The following LOXHD1 variants were observed in gnomAD, a reference collection of about 807,000 sequenced individuals.
The protein encoded by LOXHD1 is lipoxygenase homology domain-containing protein 1.
A neutral mutation model predicts 248.2 loss-of-function variants in LOXHD1; 205 were observed. That is an observed-to-expected ratio of 0.83 (90% CI 0.74 to 0.93). LOXHD1 has a LOEUF of 0.93. LOXHD1 is among the 40% of genes least tolerant of loss of function. LOXHD1 has a pLI of 0.00. For missense variants in LOXHD1, 2,930 were observed against 2,971.6 expected (o/e 0.99, Z 0.33); for synonymous variants, 1,113 against 1,162.8 (o/e 0.96, Z 0.87).
At chr18:46,629,279 C>G (rs1568224815) in intron 4 of LOXHD1, among the ~76,000 whole-genome samples, 1 of 152,200 alleles carries the variant, frequency 6.6e-6, no homozygotes, top group Non-Finnish European at 1.5e-5. Flanking sequence ...TGTATAGTCC[C>G]ATGTGCTTTC....
In LOXHD1 at chr18:46,594,536, G is replaced by T. The variant is rs12608365; in HGVS notation, c.1135-70C>A. The T allele has an allele frequency of 0.29, 438,415 of 1,530,796 alleles. 64,712 individuals are homozygous for T. The highest frequency in any genetic ancestry group is 0.34 in the South Asian group (28,149 of 83,292). 94.8% of individuals were successfully genotyped at this position (1,530,796 alleles called of 1,614,324 possible). On this transcript the variant is annotated intron_variant, in intron 8 of 40. Transcript: ENST00000642948. Reference sequence around the variant, plus strand: ...AGGGTCCTCTTCGTGATGTTCAGCAGGCTCCCAGCCCCACATTTAGAGACA... The same window carrying T: ...AGGGTCCTCTTCGTGATGTTCAGCATGCTCCCAGCCCCACATTTAGAGACA...
intron 21 of LOXHD1, among the ~76,000 whole-genome samples, chr18:46,556,227 TA>T (rs1313211838): frequency 6.6e-6 from 1 of 152,040 alleles, no homozygotes; most frequent in Non-Finnish European, 1.5e-5. Context: ...TTGCAAAACC[TA>T]AAATATTTAC....
Position 46,577,815 on chromosome 18 carries a change from C to T in LOXHD1, c.1862G>A (p.Arg621Lys). 1 of 1,551,678 alleles carries T rather than the reference C, an allele frequency of 6.4e-7. No homozygotes were observed. The highest frequency in any genetic ancestry group is 8.7e-7 in the Non-Finnish European group (1 of 1,147,000). ...SVTMRNVRRVRIRHDGKGSGS... is the reference protein window; with the variant it reads ...SVTMRNVRRVKIRHDGKGSGS... The stretch of plus-strand genomic sequence containing the variant: ...GGAGCCTTTGCCATCGTGTCTGATC[C>T]TCACCCGCCTCACATTCCGCATGGT... The change falls in exon 14 of 41, where the codon AGG becomes AAG. Residue 621 changes from arginine to lysine, a missense_variant. By Grantham distance (26) the Arg-to-Lys change is conservative. Transcript: ENST00000642948.
Position 46,542,800 on chromosome 18 carries a change from G to A in LOXHD1, c.3675C>T (p.Ser1225=). The change falls in exon 24 of 41, where the codon AGC becomes AGT. Residue 1225 remains serine, a synonymous_variant. Coordinates refer to ENST00000642948, the MANE Select transcript of LOXHD1 (RefSeq NM_001384474.1). ...GCGTCTCCACCGTGAAGATTTCAATGCTGTCCCTCTCAAACTTATCGCTGT... is the reference window on the plus strand; with the variant it reads ...GCGTCTCCACCGTGAAGATTTCAATACTGTCCCTCTCAAACTTATCGCTGT... The part of the protein sequence containing the change: ...KTNSDKFERD[S]IEIFTVETLD... 6.4e-7 allele frequency: 1 copy of A among 1,551,740 alleles called. No individual in the cohort carries two copies. Among genetic ancestry groups the A allele is most frequent in the South Asian group, 1.2e-5 (1 of 84,050 alleles).
At chr18:46,483,121 A>T (rs548266199) in intron 40 of LOXHD1, among the ~76,000 whole-genome samples, 1 of 152,322 alleles carries the variant, frequency 6.6e-6, no homozygotes, top group African/African-American at 2.4e-5. Flanking sequence ...TATCTGGGGT[A>T]CTGTGAGGCA....
chr18:46,574,419 A>ACACACACACACCCC (rs1357990413), intron 14 of LOXHD1, among the ~76,000 whole-genome samples: 16 of 149,044 alleles, frequency 1.1e-4, no homozygotes, highest in African/African-American at 3.8e-4. Flanking sequence ...ACACACACAC[A>ACACACACACACCCC]CCTGATCCTA....
rs1305545715 is a variant in LOXHD1 at position 46,594,522 on chromosome 18, C to T, written c.1135-56G>A. The T allele has an allele frequency of 1.3e-5, 20 of 1,546,488 alleles. 1 individual carries two copies. Among genetic ancestry groups the T allele is most frequent in the Admixed American group, 9.8e-5 (5 of 50,942 alleles). On this transcript the variant is annotated intron_variant, in intron 8 of 40. Transcript: ENST00000642948. ...ATTGAGTCTCCAGTAGGGTCCTCTT[C>T]GTGATGTTCAGCAGGCTCCCAGCCC...
chr18:46,493,061 G>A (rs1308209734), intron 37 of LOXHD1, among the ~76,000 whole-genome samples: 1 of 152,152 alleles, frequency 6.6e-6, no homozygotes, highest in Admixed American at 6.5e-5. Context: ...ACATGATCTG[G>A]TCCTTTTCCA....
At position 46,619,131 on chromosome 18, in the gene LOXHD1, C is replaced by A. The variant is rs183725230; in HGVS notation, c.512-841G>T. On this transcript the variant is annotated intron_variant, in intron 4 of 40. Transcript: ENST00000642948. ...GGAAGGGGAATCCTCCAGCTTTTCA[C>A]TGGGTGCCAACAATTCCAAGGGCTG... is the stretch of plus-strand genomic sequence containing the variant. Among the ~76,000 whole-genome samples the A allele has an allele frequency of 5.4e-3, 818 of 152,344 alleles. 9 individuals are homozygous for A. Among genetic ancestry groups the A allele is most frequent in the African/African-American group, 0.018 (730 of 41,578 alleles).
chr18:46,507,347 G>A (rs1399272396), intron 36 of LOXHD1, among the ~76,000 whole-genome samples, 191 bp downstream of exon 36: 1 of 152,198 alleles, frequency 6.6e-6, no homozygotes, highest in Non-Finnish European at 1.5e-5. Context: ...GAGGAGGGAG[G>A]GAACCAGTCA....
chr18:46,512,845 A>G (rs1030653751), intron 34 of LOXHD1, among the ~76,000 whole-genome samples: 1 of 152,234 alleles, frequency 6.6e-6, no homozygotes, highest in Non-Finnish European at 1.5e-5. Context: ...TCAATGGAAT[A>G]CTATGCAGCA....
At chr18:46,564,811 C>T (rs773992182) in intron 17 of LOXHD1, among the ~76,000 whole-genome samples, 2 of 152,022 alleles carry the variant, frequency 1.3e-5, no homozygotes, top group Non-Finnish European at 2.9e-5. Flanking sequence ...ATATAACAGC[C>T]CTAAAGGAAC....
chr18:46,549,485 T>C (rs1381275551), intron 21 of LOXHD1, among the ~76,000 whole-genome samples: 1 of 152,182 alleles, frequency 6.6e-6, no homozygotes, highest in African/African-American at 2.4e-5. Context: ...GACAAAAGCA[T>C]GGATCTGGAA....
In LOXHD1 at chr18:46,541,973, G is replaced by A. The variant is rs943138802; in HGVS notation, c.3749-33C>T. Reference sequence around the variant, plus strand: ...GAGAGGAGACACAAAACCCATCAAGGACCTGAGCAGAGATGATTTCCTGTG... The same window carrying A: ...GAGAGGAGACACAAAACCCATCAAGAACCTGAGCAGAGATGATTTCCTGTG... On this transcript the variant is annotated intron_variant, in intron 24 of 40. Coordinates refer to ENST00000642948, the MANE Select transcript of LOXHD1 (RefSeq NM_001384474.1). 1.4e-5 allele frequency: 21 copies of A among 1,530,798 alleles called. 1 individual carries two copies. In the East Asian group the frequency reaches 1.5e-4, roughly 11 times the overall value. 94.8% of individuals were successfully genotyped at this position (1,530,798 alleles called of 1,614,324 possible).
chr18:46,555,700 G>T (rs1414483534), intron 21 of LOXHD1, among the ~76,000 whole-genome samples: 2 of 152,118 alleles, frequency 1.3e-5, no homozygotes, highest in East Asian at 1.9e-4. Context: ...CATACAAGGG[G>T]ACTTCTCTCC....
intron 8 of LOXHD1, among the ~76,000 whole-genome samples, chr18:46,597,542 G>GCACACACA (rs1491182198): frequency 0.03 from 1,849 of 61,108 alleles, 32 homozygotes; most frequent in African/African-American, 0.057. Context: ...AGTGGTACAT[G>GCACACACA]CGCACACACA....
chr18:46,610,440 T>A (rs140080201), intron 6 of LOXHD1, among the ~76,000 whole-genome samples: 3,575 of 149,286 alleles, frequency 0.024, 133 homozygotes, highest in East Asian at 0.074. Flanking sequence ...TAGGAGAAAT[T>A]CCTAATGTAA....
At position 46,607,338 on chromosome 18, in the gene LOXHD1, C is replaced by T. The variant is rs8084608; in HGVS notation, c.760-3109G>A. 6.0e-3 allele frequency among the ~76,000 whole-genome samples: 903 copies of T among 149,440 alleles called. 10 individuals carry two copies. Among genetic ancestry groups the T allele is most frequent in the African/African-American group, 0.021 (868 of 40,892 alleles). ...ATATACACATATATGTGCATATATA[C>T]ATGTACATATACATACATATATACA... On this transcript the variant is annotated intron_variant, in intron 6 of 40. Transcript: ENST00000642948.
Position 46,569,597 on chromosome 18 carries a change from C to T in LOXHD1, c.2089G>A (p.Gly697Arg), listed in dbSNP as rs1459312087. ...HISLKTGDVS[G>R]ASTDSRVYIK... ...TAGACTCTAGAATCCGTGCTGGCCC[C>T]AGAGACATCCCCAGTCTTCAAGCTG... Residue 697 changes from glycine (G) to arginine (R), a missense_variant, in exon 16 of 41, where the codon GGG becomes AGG. By Grantham distance (125) the Gly-to-Arg change is moderately radical (BLOSUM62 -2). Coordinates refer to ENST00000642948, the MANE Select transcript of LOXHD1 (RefSeq NM_001384474.1). 2 of 1,551,546 alleles carry T rather than the reference C, an allele frequency of 1.3e-6. No individual in the cohort carries two copies. The highest frequency in any genetic ancestry group is 2.7e-5 in the African/African-American group (2 of 73,036).
Sources: allele counts gnomAD v4.1 joint callset (sites outside exome capture counted in the v4.1 genomes callset), GRCh38; gene constraint gnomAD v4.1.1; transcripts MANE v1.5; gene names NCBI Gene and HGNC (gene_info 2026-07-23, HGNC 2026-07-21).